TTC23L: variants seen among roughly 807,000 people sequenced by gnomAD.
TTC23L encodes tetratricopeptide repeat domain 23 like.
TTC23L carries 42 observed loss-of-function variants against 48.1 expected under a neutral mutation model. The observed-to-expected ratio is 0.87, with a 90% confidence interval of 0.68 to 1.13. The LOEUF (loss-of-function observed/expected upper bound fraction) is 1.13, where lower values mean the gene tolerates loss of function less well. Among genes scored for constraint, TTC23L ranks in the 50% most tolerant of loss-of-function variants. TTC23L has a pLI of 0.00. For synonymous variants in TTC23L, 159 were observed against 157.2 expected (o/e 1.01, Z -0.09); for missense variants, 391 against 421.0 (o/e 0.93, Z 0.62).
At chr5:34,883,923 C>T (rs1333197115) in intron 9 of TTC23L, among the ~76,000 whole-genome samples, 1 of 152,138 alleles carries the variant, frequency 6.6e-6, no homozygotes, top group Non-Finnish European at 1.5e-5. Flanking sequence ...GCCAGCATTA[C>T]TCTGACATCA....
At chr5:34,873,662 G>A (rs1163139757) in intron 8 of TTC23L, among the ~76,000 whole-genome samples, 1 of 152,110 alleles carries the variant, frequency 6.6e-6, no homozygotes, top group African/African-American at 2.4e-5. Context: ...TGGTGTGAGT[G>A]GCATCAGAAA....
Position 34,885,322 on chromosome 5 carries a change from T to C in TTC23L, c.1077+5014T>C, listed in dbSNP as rs148211257. 7.7e-4 allele frequency among the ~76,000 whole-genome samples: 118 copies of C among 152,302 alleles called. 3 individuals carry two copies. The East Asian group carries it at 0.015, about 19-fold the overall frequency. On this transcript the variant is annotated intron_variant, in intron 9 of 10. Transcript: ENST00000505624. Reference sequence around the variant, plus strand: ...GGTGTAAAGAACATTACTGGAACAATTGGGAAATTTGAACATGGAGCTTGT... The same window carrying C: ...GGTGTAAAGAACATTACTGGAACAACTGGGAAATTTGAACATGGAGCTTGT...
At chr5:34,841,742 C>T (rs1024996613) in intron 2 of TTC23L, among the ~76,000 whole-genome samples, 2 of 152,224 alleles carry the variant, frequency 1.3e-5, no homozygotes, top group Non-Finnish European at 1.5e-5. Context: ...GTCTGGAACT[C>T]CTGGGCTCAA....
At chr5:34,846,686 T>TAG (rs1759225371) in intron 3 of TTC23L, among the ~76,000 whole-genome samples, 1 of 109,860 alleles carries the variant, frequency 9.1e-6, no homozygotes, top group Admixed American at 1.1e-4. Context: ...TGTGTGTGTG[T>TAG]GTGTGTGTGT....
At chr5:34,869,485 ATTAAT>A (rs565388131) in intron 8 of TTC23L, 180 of 165,650 alleles carry the variant, frequency 1.1e-3, no homozygotes, top group African/African-American at 4.1e-3. Context: ...AAGCCAACTG[ATTAAT>A]TTATGCTTCA....
At chr5:34,898,226 C>A (rs1763348779) in intron 10 of TTC23L, among the ~76,000 whole-genome samples, 1 of 152,182 alleles carries the variant, frequency 6.6e-6, no homozygotes, top group Non-Finnish European at 1.5e-5. Context: ...ACTGGCACCA[C>A]TGTTGCACGA....
At chr5:34,901,982 G>A (rs1187007718), downstream of TTC23L, among the ~76,000 whole-genome samples, 3 of 152,204 alleles carry the variant, frequency 2.0e-5, no homozygotes, top group African/African-American at 7.2e-5. Flanking sequence ...CTGAGCAAGT[G>A]TATATCTAGC....
chr5:34,925,207 CTTTTTTT>C, the TTC23L span: 1 of 1,357,590 alleles, frequency 7.4e-7, no homozygotes, highest in Non-Finnish European at 9.8e-7. Flanking sequence ...AGCATCTAAT[CTTTTTTT>C]TTTTTTTTTA....
At chr5:34,888,280 G>A (rs1490535661) in intron 9 of TTC23L, among the ~76,000 whole-genome samples, 2 of 152,192 alleles carry the variant, frequency 1.3e-5, no homozygotes, top group Non-Finnish European at 2.9e-5. Flanking sequence ...CATAAGCCTA[G>A]GTAGGGGCTA....
intron 8 of TTC23L, among the ~76,000 whole-genome samples, chr5:34,879,820 A>G (rs112397576): frequency 0.048 from 7,316 of 152,138 alleles, 246 homozygotes; most frequent in South Asian, 0.1. Flanking sequence ...ACATGGTGAA[A>G]CCCCATCTCT....
At chr5:34,910,432 CTT>C in the TTC23L span, among the ~76,000 whole-genome samples, 6 of 143,768 alleles carry the variant, frequency 4.2e-5, no homozygotes, top group Non-Finnish European at 3.1e-5. Context: ...TTTTTCTTTT[CTT>C]TTTTTTTTTT....
the TTC23L span, chr5:34,909,244 T>C: frequency 1.1e-5 from 17 of 1,549,814 alleles, no homozygotes; most frequent in Admixed American, 3.5e-5. Context: ...ACAACCTCTA[T>C]ATTAAGAACT....
the TTC23L span, chr5:34,907,978 C>T: frequency 6.6e-6 from 1 of 152,176 alleles, no homozygotes; most frequent in East Asian, 1.9e-4. Flanking sequence ...TGCTGGCCTC[C>T]TCCCCAGAGT....
rs532725747 is a variant in TTC23L, at chr5:34,876,148, G to A, written c.950-4033G>A. Among the ~76,000 whole-genome samples, 44 of 152,114 alleles carry A rather than the reference G, an allele frequency of 2.9e-4. No homozygotes were observed. In the South Asian group the frequency reaches 8.9e-3, roughly 31 times the overall value. ...ATGCAGCAAAAGTAGTGCTTAGAGGGATATTTATAGCATATTAGAAAAGAG... is the reference window on the plus strand; with the variant it reads ...ATGCAGCAAAAGTAGTGCTTAGAGGAATATTTATAGCATATTAGAAAAGAG... On this transcript the variant is annotated intron_variant, in intron 8 of 10. Coordinates refer to ENST00000505624, the Ensembl canonical transcript of TTC23L.
In TTC23L at chr5:34,845,387, T is replaced by C. The variant is rs1322933608; in HGVS notation, c.69-100T>C. 9 of 1,226,426 alleles carry C rather than the reference T, an allele frequency of 7.3e-6. No homozygotes were observed. The East Asian group carries it at 1.9e-4, about 26-fold the overall frequency. The allele number at this position is 1,226,426 out of a possible 1,614,324, so 76.0% of individuals were successfully genotyped here. A position where few individuals can be genotyped will look rare whatever the true frequency, so the allele number is the denominator to read the frequency against. ...TCCTTCCGGTTTATGTTAGAAATCA[T>C]GTCCCTATCCCCTAGTTGGGAGAGC... is the stretch of plus-strand genomic sequence containing the variant. On this transcript the variant is annotated intron_variant, in intron 2 of 10. Coordinates refer to ENST00000505624, the Ensembl canonical transcript of TTC23L.
the TTC23L span, chr5:34,922,565 C>G: frequency 3.7e-6 from 6 of 1,609,288 alleles, no homozygotes; most frequent in Non-Finnish European, 4.3e-6. Flanking sequence ...CACGGACCAT[C>G]TGCTAAATTC....
intron 3 of TTC23L, among the ~76,000 whole-genome samples, chr5:34,849,337 C>T (rs1759475261): frequency 6.6e-6 from 1 of 152,128 alleles, no homozygotes; most frequent in South Asian, 2.1e-4. Flanking sequence ...GAATTCAAAG[C>T]TGAAATTAAC....
intron 9 of TTC23L, among the ~76,000 whole-genome samples, chr5:34,888,271 A>G (rs1030169699): frequency 6.6e-6 from 1 of 152,370 alleles, no homozygotes; most frequent in African/African-American, 2.4e-5. Context: ...TTAGGATGCC[A>G]TAAGCCTAGG....
intron 4 of TTC23L, 103 bp from the exon 5 acceptor site, chr5:34,862,787 AGACCATAC>A: frequency 3.2e-6 from 4 of 1,263,382 alleles, no homozygotes; most frequent in Non-Finnish European, 4.4e-6. Flanking sequence ...CCAATGCTAT[AGACCATAC>A]GACAACTGCA....
Sources: allele counts gnomAD v4.1 joint callset (sites outside exome capture counted in the v4.1 genomes callset), GRCh38; gene constraint gnomAD v4.1.1; transcripts MANE v1.5; gene names NCBI Gene and HGNC (gene_info 2026-07-23, HGNC 2026-07-21).